The following ANKRD30A variants were observed in gnomAD, a reference collection of about 807,000 sequenced individuals.
ANKRD30A encodes ankyrin repeat domain 30A.
A neutral mutation model predicts 166.3 loss-of-function variants in ANKRD30A; 170 were observed. The observed-to-expected ratio is 1.02, with a 90% CI of 0.90 to 1.16. The LOEUF (loss-of-function observed/expected upper bound fraction) is 1.16, where lower values mean the gene tolerates loss of function less well. ANKRD30A is among the 50% of genes most tolerant of loss of function. The probability of loss-of-function intolerance (pLI) is 0.00; values close to 1 mark genes in which losing one functional copy is unlikely to be tolerated. For missense variants in ANKRD30A, 1,630 were observed against 1,518.0 expected (o/e 1.07, Z -1.23); for synonymous variants, 564 against 508.9 (o/e 1.11, Z -1.46).
At chr10:37,222,013 G>A (rs183993509) in intron 34 of ANKRD30A, among the ~76,000 whole-genome samples, 2 of 151,372 alleles carry the variant, frequency 1.3e-5, no homozygotes, top group East Asian at 3.9e-4. Context: ...ATCATGTATA[G>A]TATGCATTCA....
At chr10:37,143,635 C>T (rs1440469749) in intron 7 of ANKRD30A, among the ~76,000 whole-genome samples, 2 of 151,972 alleles carry the variant, frequency 1.3e-5, no homozygotes, top group African/African-American at 2.4e-5. Flanking sequence ...GCCTGTGTGA[C>T]AGAGCAACAT....
intron 17 of ANKRD30A, 78 bp downstream of exon 17, chr10:37,162,926 T>A: frequency 6.6e-7 from 1 of 1,525,392 alleles, no homozygotes; most frequent in South Asian, 1.2e-5. Context: ...TACCCAATGG[T>A]TTATTTTTTT....
intron 5 of ANKRD30A, among the ~76,000 whole-genome samples, chr10:37,134,338 T>C (rs1381198950): frequency 6.6e-6 from 1 of 152,170 alleles, no homozygotes; most frequent in African/African-American, 2.4e-5. Context: ...CATATCTAAA[T>C]ACTTGAATTT....
chr10:37,142,057 A>G lies in ANKRD30A; in HGVS notation c.1160A>G (p.Lys387Arg), dbSNP rs760630514. 5 of 1,614,044 alleles carry G rather than the reference A, an allele frequency of 3.1e-6. No homozygotes were observed. The highest frequency in any genetic ancestry group is 1.3e-5 in the African/African-American group (1 of 75,024). The change falls in exon 7 of 36, where the codon AAA becomes AGA. Residue 387 changes from lysine to arginine, a missense_variant. Physicochemically the swap from Lys to Arg is conservative, Grantham distance 26. This residue lies in a region of ANKRD30A where 904 missense variants were observed against 818.5 expected (regional missense o/e 1.10). Transcript: ENST00000361713. ...AGACCTAGGAAGATCGCATGGGAGA[A>G]AAAAGAAGACACACCTAGGGAAATT... ...KGRPRKIAWE[K>R]KEDTPREIMS... is the part of the protein sequence containing the mutation.
At chr10:37,162,628 T>C (rs777816957) in intron 15 of ANKRD30A, 21 bp from the exon 16 acceptor site, 1 of 1,611,920 alleles carries the variant, frequency 6.2e-7, no homozygotes, top group Non-Finnish European at 8.5e-7. Context: ...TGATTGATGA[T>C]AAATCTCTTT....
chr10:37,134,038 C>T lies in ANKRD30A; in HGVS notation c.740C>T (p.Thr247Ile). 6.2e-7 allele frequency: 1 copy of T among 1,613,674 alleles called. No homozygotes were observed. The highest frequency in any genetic ancestry group is 1.3e-5 in the African/African-American group (1 of 75,002). ...CGVTAEHYAVTCGFHHIHEQI... is the reference protein window; with the variant it reads ...CGVTAEHYAVICGFHHIHEQI... ...GTAACTGCAGAACATTATGCTGTTA[C>T]TTGTGGATTTCATCAGTAAGTGTTT... is the stretch of plus-strand genomic sequence containing the variant. The change falls in exon 5 of 36, where the codon ACT becomes ATT. Residue 247 changes from threonine to isoleucine, a missense_variant. Physicochemically the swap from Thr to Ile is moderately conservative, Grantham distance 89. Coordinates refer to ENST00000361713, the MANE Select transcript of ANKRD30A (RefSeq NM_052997.3).
At chr10:37,257,618 C>CA in the ANKRD30A span, among the ~76,000 whole-genome samples, 6 of 152,190 alleles carry the variant, frequency 3.9e-5, no homozygotes, top group East Asian at 9.7e-4. Flanking sequence ...TCATTGGTTT[C>CA]AAAAAACTTC....
At chr10:37,244,311 A>G in the ANKRD30A span, among the ~76,000 whole-genome samples, 4 of 152,168 alleles carry the variant, frequency 2.6e-5, no homozygotes, top group African/African-American at 7.2e-5. Context: ...TCACACACAC[A>G]TCCACTGTTA....
At position 37,125,833 on chromosome 10, in the gene ANKRD30A, G is replaced by C. The variant is rs1400907976; in HGVS notation, c.46G>C (p.Glu16Gln). 3.0e-6 allele frequency: 3 copies of C among 1,002,850 alleles called. No homozygotes were observed. The East Asian group carries it at 7.7e-5, about 26-fold the overall frequency. The allele number at this position is 1,002,850 out of a possible 1,614,324, so 62.1% of individuals were successfully genotyped here. ...CGCTGTCAAGGTCGTGCCGGGCCCG[G>C]AGCGCCCGAGCCCTTTCAGCCAGCT... is the stretch of plus-strand genomic sequence containing the variant. Reference protein sequence around the residue: ...AAAVKVVPGPERPSPFSQLVY... With the variant: ...AAAVKVVPGPQRPSPFSQLVY... Residue 16 changes from glutamate (E) to glutamine (Q), a missense_variant, in exon 1 of 36, where the codon GAG becomes CAG. By Grantham distance (29) the Glu-to-Gln change is conservative. Transcript: ENST00000361713.
At chr10:37,183,749 G>C (rs1354837825) in intron 24 of ANKRD30A, among the ~76,000 whole-genome samples, 3 of 148,162 alleles carry the variant, frequency 2.0e-5, no homozygotes, top group Non-Finnish European at 4.5e-5. Flanking sequence ...TGAGAATAAA[G>C]CATCTGGTTG....
chr10:37,167,578 C>T (rs2384702), intron 19 of ANKRD30A, among the ~76,000 whole-genome samples: 11 of 151,430 alleles, frequency 7.3e-5, no homozygotes, highest in Non-Finnish European at 1.2e-4. Flanking sequence ...AAATCTGATG[C>T]AACTAAATTT....
chr10:37,126,062 G>GTTGC, intron 1 of ANKRD30A, 54 bp downstream of exon 1: 1 of 1,170,664 alleles, frequency 8.5e-7, no homozygotes, highest in Non-Finnish European at 1.2e-6. Context: ...GCGGTGGGAG[G>GTTGC]ATCGCCCCTT....
chr10:37,137,145 A>G (rs538778459), intron 6 of ANKRD30A, among the ~76,000 whole-genome samples: 2 of 152,162 alleles, frequency 1.3e-5, no homozygotes, highest in African/African-American at 4.8e-5. Flanking sequence ...ATATTTATAA[A>G]TAAATTTTAT....
the ANKRD30A span, chr10:37,248,107 T>C: frequency 1.7e-6 from 1 of 579,176 alleles, no homozygotes; most frequent in East Asian, 4.3e-5. Context: ...GGCTTATTGT[T>C]CTCCCTGCAG....
chr10:37,191,380 C>G (rs1840563537), intron 25 of ANKRD30A, among the ~76,000 whole-genome samples: 6 of 151,976 alleles, frequency 3.9e-5, no homozygotes, highest in Admixed American at 3.9e-4. Flanking sequence ...CAGCTGAACT[C>G]TCATCCGAAC....
intron 31 of ANKRD30A, among the ~76,000 whole-genome samples, chr10:37,208,507 A>T (rs992286112): frequency 6.6e-6 from 1 of 152,140 alleles, no homozygotes; most frequent in Non-Finnish European, 1.5e-5. Flanking sequence ...GTTGCACTGC[A>T]CACCCCATTA....
At position 37,193,044 on chromosome 10, in the gene ANKRD30A, A is replaced by G. The variant is rs775226322; in HGVS notation, c.2513-20A>G. The G allele has an allele frequency of 2.5e-6, 4 of 1,606,802 alleles. No individual in the cohort carries two copies. In the South Asian group the frequency reaches 3.3e-5, roughly 13 times the overall value. ...GTCAAGCTTGCATACAATAAATTAT[A>G]TATGTCCCTTTTCTTTTAGAGTCTC... On this transcript the variant is annotated intron_variant, in intron 25 of 35. Coordinates refer to ENST00000361713, the MANE Select transcript of ANKRD30A (RefSeq NM_052997.3).
chr10:37,194,693 G>C (rs576977549), intron 27 of ANKRD30A, among the ~76,000 whole-genome samples: 1 of 152,062 alleles, frequency 6.6e-6, no homozygotes, highest in Non-Finnish European at 1.5e-5. Flanking sequence ...GTATTGTCCT[G>C]GAACTTCCTT....
chr10:37,234,810 A>G (rs931563077), downstream of ANKRD30A, among the ~76,000 whole-genome samples: 1 of 152,166 alleles, frequency 6.6e-6, no homozygotes, highest in African/African-American at 2.4e-5. Flanking sequence ...AGATATGTCC[A>G]AGCTAAAACC....
Sources: gnomAD v4.1 joint callset for allele counts (sites outside exome capture counted in the v4.1 genomes callset) on GRCh38, gnomAD v4.1.1 for gene constraint, gnomAD v4.1.1 regional missense constraint, MANE v1.5 for transcripts, NCBI Gene and HGNC (gene_info 2026-07-23, HGNC 2026-07-21) for gene names.